The following GLG1 variants were observed in gnomAD, a reference collection of about 807,000 sequenced individuals.
GLG1 encodes the protein golgi glycoprotein 1, also known as Golgi apparatus protein 1.
GLG1 carries 38 observed loss-of-function variants against 160.5 expected under a neutral mutation model. The observed-to-expected ratio is 0.24, with a 90% confidence interval of 0.18 to 0.31. The LOEUF (loss-of-function observed/expected upper bound fraction) is 0.31, where lower values mean the gene tolerates loss of function less well. Among genes scored for constraint, GLG1 ranks in the 10% least tolerant of loss-of-function variants. The pLI is 1.00. For missense variants in GLG1, 1,373 were observed against 1,505.2 expected (o/e 0.91, Z 1.45); for synonymous variants, 644 against 543.4 (o/e 1.19, Z -2.57).
intron 1 of GLG1, among the ~76,000 whole-genome samples, chr16:74,567,629 C>T (rs940120844): frequency 2.2e-5 from 3 of 137,784 alleles, no homozygotes; most frequent in African/African-American, 5.5e-5. Context: ...ACTGCAGTGG[C>T]GCAATCTCGG....
At chr16:74,471,683 T>C (rs992597500) in intron 14 of GLG1, among the ~76,000 whole-genome samples, 21 of 152,218 alleles carry the variant, frequency 1.4e-4, no homozygotes, top group East Asian at 1.9e-4. Flanking sequence ...TAGGAGACAG[T>C]TGGAAGAAGG....
chr16:74,554,671 T>C (rs1160061266), intron 1 of GLG1, among the ~76,000 whole-genome samples: 2 of 152,226 alleles, frequency 1.3e-5, no homozygotes, highest in African/African-American at 2.4e-5. Context: ...AAAAGAACTA[T>C]TGTATAGAAA....
At chr16:74,457,373 G>T (rs1037246453) in intron 24 of GLG1, among the ~76,000 whole-genome samples, 7 of 152,024 alleles carry the variant, frequency 4.6e-5, no homozygotes, top group Non-Finnish European at 4.4e-5. Context: ...CTCCAGCCTG[G>T]GTGACAGAGT....
chr16:74,456,287 G>T (rs575376325), intron 25 of GLG1, among the ~76,000 whole-genome samples: 44 of 152,336 alleles, frequency 2.9e-4, no homozygotes, highest in Non-Finnish European at 5.4e-4. Flanking sequence ...ACGGCTCCAG[G>T]CTCACGGGCA....
At chr16:74,553,489 T>C (rs1480131783) in intron 1 of GLG1, among the ~76,000 whole-genome samples, 2 of 102,374 alleles carry the variant, frequency 2.0e-5, no homozygotes, top group East Asian at 7.4e-4. Flanking sequence ...TTTTTTTTTT[T>C]TGAAACGGAG....
intron 8 of GLG1, among the ~76,000 whole-genome samples, chr16:74,487,235 C>A (rs925698685): frequency 6.6e-6 from 1 of 152,038 alleles, no homozygotes; most frequent in African/African-American, 2.4e-5. Flanking sequence ...TAATAGAAAG[C>A]GAATTTGAAA....
At chr16:74,462,330 A>G (rs1388426842) in intron 21 of GLG1, 135 bp from the exon 22 acceptor site, 5 of 821,760 alleles carry the variant, frequency 6.1e-6, no homozygotes, top group Non-Finnish European at 9.9e-6. Context: ...GAAAAAACAA[A>G]ATGCCTGCTT....
intron 1 of GLG1, among the ~76,000 whole-genome samples, chr16:74,588,360 G>A (rs1030289842): frequency 2.0e-5 from 3 of 152,084 alleles, no homozygotes; most frequent in Non-Finnish European, 4.4e-5. Context: ...GTGGTAACAT[G>A]GAAAGACAGA....
chr16:74,593,221 G>C (rs1183262706), intron 1 of GLG1, among the ~76,000 whole-genome samples: 1 of 152,078 alleles, frequency 6.6e-6, no homozygotes, highest in Non-Finnish European at 1.5e-5. Flanking sequence ...CTCAGACAAT[G>C]GCACTAATTA....
At chr16:74,490,892 A>G (rs1319896007) in intron 8 of GLG1, 109 bp downstream of exon 8, 6 of 733,114 alleles carry the variant, frequency 8.2e-6, no homozygotes, top group Non-Finnish European at 1.2e-5. Flanking sequence ...CCTAATGTTC[A>G]ATGTGATACC....
intron 1 of GLG1, among the ~76,000 whole-genome samples, chr16:74,536,045 ATAAT>A (rs1276446945): frequency 2.0e-5 from 3 of 152,168 alleles, no homozygotes; most frequent in African/African-American, 4.8e-5. Flanking sequence ...GTAAATAAAA[ATAAT>A]AAATAAATAA....
chr16:74,588,086 G>A (rs1026502350), intron 1 of GLG1, among the ~76,000 whole-genome samples: 48 of 150,948 alleles, frequency 3.2e-4, no homozygotes, highest in African/African-American at 1.1e-3. Context: ...AACACAGAGA[G>A]AAAAAAAACA....
chr16:74,462,230 C>G (rs747955243), intron 21 of GLG1, 35 bp from the exon 22 acceptor site: 20 of 1,081,542 alleles, frequency 1.8e-5, no homozygotes, highest in Non-Finnish European at 2.5e-5. Context: ...ATGGGCTGAT[C>G]AGAAAACGAA....
chr16:74,589,842 CAGG>C (rs1958134132), intron 1 of GLG1, among the ~76,000 whole-genome samples: 2 of 152,266 alleles, frequency 1.3e-5, no homozygotes, highest in South Asian at 4.1e-4. Context: ...GAGGCTGAGG[CAGG>C]AGAATTGCTT....
At chr16:74,543,381 T>G (rs557327160) in intron 1 of GLG1, among the ~76,000 whole-genome samples, 2 of 152,334 alleles carry the variant, frequency 1.3e-5, no homozygotes, top group South Asian at 4.1e-4. Context: ...GTGGACAGCT[T>G]TCTTAAGACC....
At chr16:74,529,002 T>C (rs1447116242) in intron 2 of GLG1, among the ~76,000 whole-genome samples, 1 of 149,384 alleles carries the variant, frequency 6.7e-6, no homozygotes, top group African/African-American at 2.5e-5. Flanking sequence ...AATCTCGCTC[T>C]GTTGCCCAGG....
intron 1 of GLG1, among the ~76,000 whole-genome samples, chr16:74,561,649 T>G (rs1263207118): frequency 6.6e-6 from 1 of 152,228 alleles, no homozygotes; most frequent in East Asian, 1.9e-4. Context: ...TTGAATGAAC[T>G]CTATGTTCCA....
chr16:74,479,540 G>C (rs918375554), intron 11 of GLG1, among the ~76,000 whole-genome samples: 12 of 152,044 alleles, frequency 7.9e-5, no homozygotes, highest in Non-Finnish European at 1.6e-4. Flanking sequence ...ATTTCCTTCT[G>C]AGTCCCCTCA....
intron 1 of GLG1, among the ~76,000 whole-genome samples, chr16:74,567,761 G>A (rs1416926166): frequency 4.6e-5 from 7 of 150,808 alleles, no homozygotes; most frequent in Non-Finnish European, 1.0e-4. Context: ...GTAGAGACGG[G>A]GTTTCACCTT....
Sources: gnomAD v4.1 joint callset for allele counts (sites outside exome capture counted in the v4.1 genomes callset) on GRCh38, gnomAD v4.1.1 for gene constraint, MANE v1.5 for transcripts, NCBI Gene and HGNC (gene_info 2026-07-23, HGNC 2026-07-21) for gene names.